Variants in PWWP2B observed in about 807,000 individuals in gnomAD.
The protein encoded by PWWP2B is PWWP domain containing 2B.
In PWWP2B, 9 loss-of-function variants were observed where a neutral mutation model predicts 15.5. The observed-to-expected ratio is 0.58, with a 90% CI of 0.35 to 1.02. PWWP2B has a LOEUF of 1.02. PWWP2B is among the 50% of genes least tolerant of loss of function. The pLI is 0.02. For synonymous variants in PWWP2B, 474 were observed against 403.6 expected, an observed-to-expected ratio of 1.17 and a Z score of -2.09; for missense variants, 864 against 865.3, an observed-to-expected ratio of 1.00 and a Z score of 0.02.
In PWWP2B at chr10:132,405,819, C is replaced by T. The variant is rs149751901; in HGVS notation, c.1319C>T (p.Pro440Leu). Reference sequence around the variant, plus strand: ...AGATCGTCCGGCTCGGAAGGGACGCCGGCAGACACGGGTGACCTCTCGCCT... The same window carrying T: ...AGATCGTCCGGCTCGGAAGGGACGCTGGCAGACACGGGTGACCTCTCGCCT... ...EARSSGSEGT[P>L]ADTGDLSPGH... Residue 440 changes from proline to leucine, a missense_variant, in exon 2 of 3, where the codon CCG (proline) becomes CTG (leucine). Around this residue, in one of 2 missense-constraint regions of PWWP2B, gnomAD observed 736 missense variants for 687.7 expected, o/e 1.07. Transcript: ENST00000305233. 1.2e-4 allele frequency: 195 copies of T among 1,608,794 alleles called. 2 individuals carry two copies. The East Asian group carries it at 2.4e-3, about 20-fold the overall frequency.
intron 2 of PWWP2B, among the ~76,000 whole-genome samples, chr10:132,406,854 C>A (rs1219247313): frequency 2.0e-5 from 3 of 152,172 alleles, no homozygotes; most frequent in Non-Finnish European, 4.4e-5. Context: ...CCCCCTGTGA[C>A]CCCCCAAATC....
chr10:132,406,237 G>T lies in PWWP2B; in HGVS notation c.1737G>T (p.Pro579=), dbSNP rs371965099. 6.2e-7 allele frequency: 1 copy of T among 1,611,160 alleles called. No homozygotes were observed. The highest frequency in any genetic ancestry group is 8.5e-7 in the Non-Finnish European group (1 of 1,178,414). Residue 579 remains proline (P), a synonymous_variant, in exon 2 of 3, where the codon CCG becomes CCT. Coordinates refer to ENST00000305233, the MANE Select transcript of PWWP2B (RefSeq NM_138499.4). The stretch of plus-strand genomic sequence containing the variant: ...CAAATGCCGCAAGACACGTGGCCCC[G>T]GAAATCAGGGAGCTCTTAACCCAGT... ...EAANAARHVA[P]EIRELLTQFE...
Position 132,409,502 on chromosome 10 carries a change from G to A in PWWP2B, c.*16+3213G>A, listed in dbSNP as rs778121764. Among the ~76,000 whole-genome samples the A allele has an allele frequency of 6.6e-5, 10 of 152,212 alleles. No homozygotes were observed. In the South Asian group the frequency reaches 2.1e-3, roughly 32 times the overall value. On this transcript the variant is annotated intron_variant, in intron 2 of 2. Coordinates refer to ENST00000305233, the MANE Select transcript of PWWP2B (RefSeq NM_138499.4). The stretch of plus-strand genomic sequence containing the variant: ...CAATGCCACCCACACCCCCACCACC[G>A]CCTGGGCCCACCGAGCCTGAGAGGG...
Position 132,405,542 on chromosome 10 carries a change from G to A in PWWP2B, c.1042G>A (p.Val348Met), listed in dbSNP as rs751347680. The change falls in exon 2 of 3, where the codon GTG becomes ATG. Residue 348 changes from valine (V) to methionine (M), a missense_variant. Around this residue, in one of 2 missense-constraint regions of PWWP2B, gnomAD observed 736 missense variants for 687.7 expected, o/e 1.07. Coordinates refer to ENST00000305233, the MANE Select transcript of PWWP2B (RefSeq NM_138499.4). ...HRLGDSEHEP[V>M]YRAELVGELN... ...TCTGGGGGACAGCGAGCACGAGCCC[G>A]TGTACCGGGCCGAGCTGGTGGGGGA... 15 of 1,604,416 alleles carry A rather than the reference G, an allele frequency of 9.3e-6. No individual in the cohort carries two copies. The highest frequency in any genetic ancestry group is 1.7e-5 in the Admixed American group (1 of 59,912).
intron 1 of PWWP2B, among the ~76,000 whole-genome samples, chr10:132,400,856 AGGAAGGTCCAGGGTGAATGTG>A (rs2133146710): frequency 6.6e-6 from 1 of 152,362 alleles, no homozygotes; most frequent in South Asian, 2.1e-4. Flanking sequence ...AGAGTGAGGA[AGGAAGGTCCAGGGTGAATGTG>A]GGCCCGGGAG....
rs879520950 is a variant in PWWP2B at position 132,405,906 on chromosome 10, C to T, written c.1406C>T (p.Thr469Met). 7.4e-6 allele frequency: 12 copies of T among 1,612,228 alleles called. No individual in the cohort carries two copies. Among genetic ancestry groups the T allele is most frequent in the East Asian group, 6.7e-5 (3 of 44,836 alleles). The part of the protein sequence containing the change: ...REARQTVPPL[T>M]VRLHTQSVSE... ...GCTCGCCAAACGGTGCCGCCCCTGA[C>T]GGTCAGGCTGCACACACAGAGCGTG... The change falls in exon 2 of 3, where the codon ACG becomes ATG. Residue 469 changes from threonine to methionine, a missense_variant. Transcript: ENST00000305233.
In PWWP2B at chr10:132,405,157, G is replaced by A. The variant is rs1355500886; in HGVS notation, c.657G>A (p.Glu219=). Residue 219 remains glutamate (E), a synonymous_variant, in exon 2 of 3, where the codon GAG becomes GAA. Coordinates refer to ENST00000305233, the MANE Select transcript of PWWP2B (RefSeq NM_138499.4). ...AGCTCCGCAAGCCGGAGGAGCCGGA[G>A]AACGGCGAGCCCACGGCTGCGGCCA... ...DRELRKPEEP[E]NGEPTAAATA... is the part of the protein sequence containing the mutation. 6.5e-7 allele frequency: 1 copy of A among 1,547,698 alleles called. No individual in the cohort carries two copies. The highest frequency in any genetic ancestry group is 2.0e-5 in the Admixed American group (1 of 51,174).
At position 132,405,057 on chromosome 10, in the gene PWWP2B, G is replaced by A. The variant is rs2069672304; in HGVS notation, c.557G>A (p.Ser186Asn). ...TGTGAGAAGTGCAAGAGCACGCTGA[G>A]CCCCCCGGAGGCCAGCCCCGGACCC... ...VLCEKCKSTL[S>N]PPEASPGPPA... Residue 186 changes from serine to asparagine, a missense_variant, in exon 2 of 3, where the codon AGC becomes AAC. Ser to Asn is a conservative substitution (Grantham distance 46). Coordinates refer to ENST00000305233, the MANE Select transcript of PWWP2B (RefSeq NM_138499.4). 6.6e-7 allele frequency: 1 copy of A among 1,512,644 alleles called. No homozygotes were observed. Among genetic ancestry groups the A allele is most frequent in the Non-Finnish European group, 8.8e-7 (1 of 1,133,742 alleles). 93.7% of individuals were successfully genotyped at this position (1,512,644 alleles called of 1,614,324 possible).
intron 2 of PWWP2B, among the ~76,000 whole-genome samples, chr10:132,415,138 G>A (rs1034129475): frequency 6.6e-6 from 1 of 152,104 alleles, no homozygotes; most frequent in Non-Finnish European, 1.5e-5. Flanking sequence ...TTAGACGTTA[G>A]TTAAGGGCTT....
intron 1 of PWWP2B, among the ~76,000 whole-genome samples, chr10:132,402,083 C>G (rs1467119664): frequency 6.6e-6 from 1 of 152,252 alleles, no homozygotes. Context: ...GGCACTGATG[C>G]AGGTGTGACT....
rs1452427824 is a variant in PWWP2B, at chr10:132,404,738, C to T, written c.238C>T (p.Leu80=). 1 of 1,606,834 alleles carries T rather than the reference C, an allele frequency of 6.2e-7. No individual in the cohort carries two copies. The highest frequency in any genetic ancestry group is 1.1e-5 in the South Asian group (1 of 90,828). ...GGAGGGGGATGCAGAGGTGATGCAG[C>T]TGGGGTCCAGCTCCCCCCCTCCTGC... is the stretch of plus-strand genomic sequence containing the variant. The part of the protein sequence containing the change: ...PEEGDAEVMQ[L]GSSSPPPARG... The change falls in exon 2 of 3, where the codon CTG becomes TTG. Residue 80 remains leucine (L), a synonymous_variant. Coordinates refer to ENST00000305233, the MANE Select transcript of PWWP2B (RefSeq NM_138499.4).
Position 132,405,864 on chromosome 10 carries a change from C to T in PWWP2B, c.1364C>T (p.Pro455Leu), listed in dbSNP as rs1280566530. 1 of 1,611,566 alleles carries T rather than the reference C, an allele frequency of 6.2e-7. No homozygotes were observed. The highest frequency in any genetic ancestry group is 1.1e-5 in the South Asian group (1 of 91,028). The change falls in exon 2 of 3, where the codon CCC becomes CTC. Residue 455 changes from proline to leucine, a missense_variant. Physicochemically the swap from Pro to Leu is moderately conservative, Grantham distance 98. Transcript: ENST00000305233. Reference sequence around the variant, plus strand: ...TCGCCTGGCCACGGCGCGTCAGCGCCCTCGGTGTCCAGAGAGGCTCGCCAA... The same window carrying T: ...TCGCCTGGCCACGGCGCGTCAGCGCTCTCGGTGTCCAGAGAGGCTCGCCAA... ...DLSPGHGASA[P>L]SVSREARQTV...
chr10:132,399,197 G>A (rs1228084434), intron 1 of PWWP2B, among the ~76,000 whole-genome samples: 3 of 152,262 alleles, frequency 2.0e-5, no homozygotes, highest in African/African-American at 7.2e-5. Context: ...TCAGGGCGTG[G>A]TGCCCGCCCT....
At chr10:132,415,155 T>C (rs2069828232) in intron 2 of PWWP2B, among the ~76,000 whole-genome samples, 1 of 152,120 alleles carries the variant, frequency 6.6e-6, no homozygotes, top group South Asian at 2.1e-4. Context: ...GCTTTTTCTA[T>C]GGAAGATGAA....
rs952493814 is a variant in PWWP2B, at chr10:132,417,733, G to C, written c.*689G>C. 1 of 152,322 alleles carries C rather than the reference G, an allele frequency of 6.6e-6. No individual in the cohort carries two copies. Among genetic ancestry groups the C allele is most frequent in the South Asian group, 2.1e-4 (1 of 4,858 alleles). 9.4% of individuals were successfully genotyped at this position (152,322 alleles called of 1,614,324 possible). A position where few individuals can be genotyped will look rare whatever the true frequency, so the allele number is the denominator to read the frequency against. ...TGCTGTGTGGAGGAGGCCAAGGGCG[G>C]CCCCTGGGAAACCGGGCTTCAACAG... On this transcript the variant is annotated 3_prime_UTR_variant, in exon 3 of 3. Coordinates refer to ENST00000305233, the MANE Select transcript of PWWP2B (RefSeq NM_138499.4).
In PWWP2B at chr10:132,404,623, C is replaced by T; in HGVS notation, c.126-3C>T. On this transcript the variant is annotated splice_polypyrimidine_tract_variant and splice_region_variant and intron_variant, in intron 1 of 2. Coordinates refer to ENST00000305233, the MANE Select transcript of PWWP2B (RefSeq NM_138499.4). The stretch of plus-strand genomic sequence containing the variant: ...ACTGTGGTTTCTCTCTCTCCATTGC[C>T]AGGTCCGGCCTCTTTGGCCTACCCC... The T allele has an allele frequency of 6.2e-7, 1 of 1,611,984 alleles. No homozygotes were observed. The highest frequency in any genetic ancestry group is 8.5e-7 in the Non-Finnish European group (1 of 1,179,136).
chr10:132,411,906 G>C (rs1440843836), intron 2 of PWWP2B, among the ~76,000 whole-genome samples: 2 of 152,218 alleles, frequency 1.3e-5, no homozygotes, highest in Non-Finnish European at 2.9e-5. Flanking sequence ...TTCTGAGGAC[G>C]GGTTTCTCAG....
intron 2 of PWWP2B, among the ~76,000 whole-genome samples, chr10:132,413,315 A>G (rs1475337535): frequency 6.6e-6 from 1 of 152,218 alleles, no homozygotes; most frequent in Non-Finnish European, 1.5e-5. Flanking sequence ...TAATATATGT[A>G]ATACTATTCT....
chr10:132,415,791 GA>G (rs1286185161), intron 2 of PWWP2B, among the ~76,000 whole-genome samples: 10 of 152,310 alleles, frequency 6.6e-5, no homozygotes, highest in African/African-American at 2.4e-4. Flanking sequence ...TTATGTTAAT[GA>G]TTTTAGCCCA....
Sources: gnomAD v4.1 joint callset for allele counts (sites outside exome capture counted in the v4.1 genomes callset) on GRCh38, gnomAD v4.1.1 for gene constraint, gnomAD v4.1.1 regional missense constraint, MANE v1.5 for transcripts, NCBI Gene and HGNC (gene_info 2026-07-23, HGNC 2026-07-21) for gene names.